The following CYTH1 variants were observed in gnomAD, a reference collection of about 807,000 sequenced individuals.
CYTH1 encodes cytohesin 1.
In CYTH1, 18 loss-of-function variants were observed where a neutral mutation model predicts 61.8. That is an observed-to-expected ratio of 0.29 (90% CI 0.20 to 0.43). CYTH1 has a LOEUF of 0.43. CYTH1 is among the 20% of genes least tolerant of loss of function. The pLI is 1.00. For synonymous variants in CYTH1, 174 were observed against 184.3 expected, an observed-to-expected ratio of 0.94 and a Z score of 0.45; for missense variants, 336 against 510.5, an observed-to-expected ratio of 0.66 and a Z score of 3.29.
At chr17:78,745,838 G>A (rs1299492117) in intron 1 of CYTH1, among the ~76,000 whole-genome samples, 1 of 152,178 alleles carries the variant, frequency 6.6e-6, no homozygotes, top group African/African-American at 2.4e-5. Context: ...GTTGCAGTGA[G>A]CCGACATTGT....
Position 78,760,513 on chromosome 17 carries a change from A to G in CYTH1, c.22+21689T>C, listed in dbSNP as rs1272212440. Among the ~76,000 whole-genome samples, 15 of 50,698 alleles carry G rather than the reference A, an allele frequency of 3.0e-4. 2 individuals are homozygous for G. Among genetic ancestry groups the G allele is most frequent in the East Asian group, 1.3e-3 (2 of 1,596 alleles). The allele number at this position is 50,698 out of a possible 152,430, so 33.3% of individuals were successfully genotyped here. A position where few individuals can be genotyped will look rare whatever the true frequency, so the allele number is the denominator to read the frequency against. On this transcript the variant is annotated intron_variant, in intron 1 of 13. Transcript: ENST00000446868. ...TATATATATACATATATATGTATAT[A>G]TATGTATATATATATATACATACAT...
intron 1 of CYTH1, among the ~76,000 whole-genome samples, chr17:78,737,335 G>T (rs1031309373): frequency 6.6e-6 from 1 of 152,032 alleles, no homozygotes; most frequent in African/African-American, 2.4e-5. Context: ...ATTGTTTAAA[G>T]AAAATGAAAA....
chr17:78,768,963 T>C (rs2144744680), intron 1 of CYTH1, among the ~76,000 whole-genome samples: 1 of 152,154 alleles, frequency 6.6e-6, no homozygotes, highest in Admixed American at 6.5e-5. Context: ...CTGGCCAACA[T>C]GGCAAAACCC....
At chr17:78,766,545 C>T (rs1598922949) in intron 1 of CYTH1, among the ~76,000 whole-genome samples, 1 of 152,168 alleles carries the variant, frequency 6.6e-6, no homozygotes, top group East Asian at 1.9e-4. Context: ...GAAAAAGATA[C>T]TGCCTTTACT....
chr17:78,692,498 A>G lies in CYTH1; in HGVS notation c.815-5T>C. On this transcript the variant is annotated splice_region_variant and splice_polypyrimidine_tract_variant and intron_variant, in intron 10 of 13. Transcript: ENST00000446868. ...TCCAAGTCTTTACCCTGCCACCTGC[A>G]GAGCAAAAAGAGATGCACGTTCGAC... 1.9e-6 allele frequency: 3 copies of G among 1,614,020 alleles called. No individual in the cohort carries two copies. Among genetic ancestry groups the G allele is most frequent in the Non-Finnish European group, 2.5e-6 (3 of 1,179,962 alleles).
intron 3 of CYTH1, among the ~76,000 whole-genome samples, chr17:78,705,861 C>T (rs1180378888): frequency 6.6e-6 from 1 of 152,162 alleles, no homozygotes; most frequent in Non-Finnish European, 1.5e-5. Context: ...GATGCACTCA[C>T]GTTCCTGGTG....
At chr17:78,775,362 C>T (rs943205445) in intron 1 of CYTH1, among the ~76,000 whole-genome samples, 1 of 151,984 alleles carries the variant, frequency 6.6e-6, no homozygotes, top group African/African-American at 2.4e-5. Context: ...CCCTTATATC[C>T]TTCCCTCAAA....
rs746946381 is a variant in CYTH1 at position 78,676,002 on chromosome 17, G to A, written c.*89C>T. The A allele has an allele frequency of 4.5e-5, 70 of 1,551,382 alleles. No individual in the cohort carries two copies. In the East Asian group the frequency reaches 1.2e-3, roughly 26 times the overall value. On this transcript the variant is annotated 3_prime_UTR_variant, in exon 14 of 14. Coordinates refer to ENST00000446868, the MANE Select transcript of CYTH1 (RefSeq NM_004762.6). Reference sequence around the variant, plus strand: ...TCCAGGGCGGGGCCTGGCAGAGGACGCTCTGCTCGGCAGCAGTGCATCCAT... The same window carrying A: ...TCCAGGGCGGGGCCTGGCAGAGGACACTCTGCTCGGCAGCAGTGCATCCAT...
chr17:78,741,917 C>T (rs1468299566), intron 1 of CYTH1, among the ~76,000 whole-genome samples: 1 of 152,148 alleles, frequency 6.6e-6, no homozygotes, highest in Non-Finnish European at 1.5e-5. Flanking sequence ...CCAGGTTTCC[C>T]ACTGTCAGGA....
At chr17:78,776,584 G>A (rs1882953085) in intron 1 of CYTH1, among the ~76,000 whole-genome samples, 1 of 151,052 alleles carries the variant, frequency 6.6e-6, no homozygotes, top group East Asian at 1.9e-4. Context: ...GCTTGAACCC[G>A]GGAGGCAGAG....
At chr17:78,753,984 A>G (rs1463755173) in intron 1 of CYTH1, among the ~76,000 whole-genome samples, 1 of 152,162 alleles carries the variant, frequency 6.6e-6, no homozygotes, top group East Asian at 1.9e-4. Context: ...TGACATCATC[A>G]ATCCAGCGTA....
At position 78,717,617 on chromosome 17, in the gene CYTH1, G is replaced by C. The variant is rs367661387; in HGVS notation, c.23-7885C>G. 7.9e-5 allele frequency among the ~76,000 whole-genome samples: 12 copies of C among 152,294 alleles called. 4 individuals are homozygous for C. The highest frequency in any genetic ancestry group is 6.5e-5 in the Admixed American group (1 of 15,294). On this transcript the variant is annotated intron_variant, in intron 1 of 13. Coordinates refer to ENST00000446868, the MANE Select transcript of CYTH1 (RefSeq NM_004762.6). The surrounding 1 kb of genome is among the most constrained non-coding windows in gnomAD (Gnocchi z 4.4). ...GACAGAGCCCTCTTTCCAAGCCAGA[G>C]GACGATACATGAGCACACGGCGGGC...
chr17:78,722,537 C>T (rs1027109691), intron 1 of CYTH1, among the ~76,000 whole-genome samples: 2 of 152,174 alleles, frequency 1.3e-5, no homozygotes, highest in African/African-American at 4.8e-5. Flanking sequence ...TGCCACTCCC[C>T]GTGCCTGCCA....
chr17:78,696,849 T>G (rs910099799), intron 9 of CYTH1: 2 of 152,188 alleles, frequency 1.3e-5, no homozygotes, highest in African/African-American at 4.8e-5. Flanking sequence ...AAATCCAAAC[T>G]TGAACACACT....
chr17:78,719,257 T>G (rs892246441), intron 1 of CYTH1, among the ~76,000 whole-genome samples: 1 of 152,180 alleles, frequency 6.6e-6, no homozygotes. Context: ...AACAGTAAGC[T>G]AAGAGGTTGC....
chr17:78,715,533 G>A (rs571353671), intron 1 of CYTH1, among the ~76,000 whole-genome samples: 1 of 152,280 alleles, frequency 6.6e-6, no homozygotes, highest in South Asian at 2.1e-4. Flanking sequence ...AATGCCATCA[G>A]AAAGAATGAA....
At chr17:78,734,029 C>T (rs1354982774) in intron 1 of CYTH1, among the ~76,000 whole-genome samples, 2 of 152,144 alleles carry the variant, frequency 1.3e-5, no homozygotes, top group Admixed American at 1.3e-4. Context: ...GTGGGTGGAT[C>T]ACATGAGGTC....
At chr17:78,761,309 C>G (rs530843979) in intron 1 of CYTH1, among the ~76,000 whole-genome samples, 9 of 152,308 alleles carry the variant, frequency 5.9e-5, no homozygotes, top group Admixed American at 5.9e-4. Flanking sequence ...ACTGCTTTTT[C>G]TAGTCCTGCT....
chr17:78,745,217 C>T (rs1015034791), intron 1 of CYTH1, among the ~76,000 whole-genome samples: 3 of 152,256 alleles, frequency 2.0e-5, no homozygotes, highest in South Asian at 2.1e-4. Flanking sequence ...CAAGTAATTG[C>T]TACTTTCTGG....
Sources: gnomAD v4.1 joint callset for allele counts (sites outside exome capture counted in the v4.1 genomes callset) on GRCh38, gnomAD v4.1.1 for gene constraint, Gnocchi (gnomAD v3.1) non-coding constraint, MANE v1.5 for transcripts, NCBI Gene and HGNC (gene_info 2026-07-23, HGNC 2026-07-21) for gene names.